The following PCCA variants were observed in gnomAD, a reference collection of about 807,000 sequenced individuals.
PCCA encodes propionyl-CoA carboxylase subunit alpha.
Under a neutral mutation model 101.3 loss-of-function variants are expected in PCCA, and 74 were observed. The observed-to-expected ratio is 0.73, with a 90% CI of 0.61 to 0.89. PCCA has a LOEUF of 0.89. Ranked by LOEUF, PCCA falls within the 40% of genes least tolerant of loss-of-function variation. The pLI, the probability that PCCA is intolerant of heterozygous loss-of-function variation, is 0.00. For synonymous variants in PCCA, 294 were observed against 313.6 expected (o/e 0.94, Z 0.66); for missense variants, 891 against 907.0 (o/e 0.98, Z 0.23).
rs187815810 is a variant in PCCA, at chr13:100,396,267, C to A, written c.1746+27693C>A. ...TAAATACCAATCCTGAACCTGCTGG[C>A]TGTGGAATCCAGCAGAAGTTAGTTA... On this transcript the variant is annotated intron_variant, in intron 19 of 23. Transcript: ENST00000376285. Among the ~76,000 whole-genome samples the A allele has an allele frequency of 1.8e-3, 273 of 152,262 alleles. 1 individual carries two copies. Among genetic ancestry groups the A allele is most frequent in the African/African-American group, 6.2e-3 (258 of 41,556 alleles).
chr13:100,514,424 A>G (rs2086687833), intron 21 of PCCA, among the ~76,000 whole-genome samples: 1 of 152,198 alleles, frequency 6.6e-6, no homozygotes, highest in African/African-American at 2.4e-5. Flanking sequence ...TTTGAGTTAC[A>G]GCAGGTTTTT....
chr13:100,378,018 G>T (rs1012616259), intron 19 of PCCA, among the ~76,000 whole-genome samples: 6 of 152,040 alleles, frequency 3.9e-5, no homozygotes, highest in African/African-American at 1.4e-4. Context: ...CTTACCAGTA[G>T]GTTTTATACT....
chr13:100,098,580 G>C (rs556512883), intron 1 of PCCA, among the ~76,000 whole-genome samples: 1 of 152,176 alleles, frequency 6.6e-6, no homozygotes, highest in East Asian at 1.9e-4. Context: ...GAGGGTGCAG[G>C]TGTGAGCCGT....
chr13:100,251,686 G>A (rs1437856224), intron 8 of PCCA, among the ~76,000 whole-genome samples: 1 of 152,112 alleles, frequency 6.6e-6, no homozygotes, highest in Non-Finnish European at 1.5e-5. Flanking sequence ...AGAAAAAATG[G>A]CATACTTTCT....
intron 7 of PCCA, among the ~76,000 whole-genome samples, chr13:100,215,508 G>T (rs2094226187): frequency 6.6e-6 from 1 of 151,922 alleles, no homozygotes; most frequent in Non-Finnish European, 1.5e-5. Flanking sequence ...TATCTACAAG[G>T]GATTGGTTCC....
chr13:100,456,348 G>A (rs929899915), intron 21 of PCCA, among the ~76,000 whole-genome samples: 1 of 152,150 alleles, frequency 6.6e-6, no homozygotes, highest in East Asian at 1.9e-4. Flanking sequence ...GGTTAGGTGT[G>A]GACTTTTATG....
chr13:100,230,424 A>AG (rs1252470778), intron 7 of PCCA, among the ~76,000 whole-genome samples: 18 of 152,154 alleles, frequency 1.2e-4, no homozygotes, highest in Admixed American at 9.8e-4. Context: ...GTTTGCCTGT[A>AG]GTCCCAGCTA....
intron 6 of PCCA, among the ~76,000 whole-genome samples, chr13:100,184,205 C>A (rs1206120134): frequency 6.6e-6 from 1 of 152,110 alleles, no homozygotes; most frequent in Non-Finnish European, 1.5e-5. Context: ...GTTATTGCTT[C>A]CTGATAGATA....
intron 21 of PCCA, among the ~76,000 whole-genome samples, chr13:100,488,259 A>C (rs1457956434): frequency 1.3e-5 from 2 of 152,018 alleles, no homozygotes; most frequent in East Asian, 3.9e-4. Flanking sequence ...ATGCACGGCT[A>C]ATTTTGCATT....
chr13:100,515,181 G>C (rs995961564), intron 21 of PCCA, among the ~76,000 whole-genome samples: 1 of 152,184 alleles, frequency 6.6e-6, no homozygotes, highest in African/African-American at 2.4e-5. Flanking sequence ...AAAGATACAG[G>C]ATGATACTTA....
chr13:100,501,906 G>A (rs2085711204), intron 21 of PCCA, among the ~76,000 whole-genome samples: 1 of 114,960 alleles, frequency 8.7e-6, no homozygotes, highest in South Asian at 3.8e-4. Context: ...TAAATAAAAT[G>A]CACCCAAACC....
At chr13:100,335,385 G>A (rs998562083) in intron 17 of PCCA, among the ~76,000 whole-genome samples, 1 of 152,158 alleles carries the variant, frequency 6.6e-6, no homozygotes, top group Admixed American at 6.5e-5. Flanking sequence ...GCTGAAAGAT[G>A]ATTCTTAACT....
intron 6 of PCCA, among the ~76,000 whole-genome samples, chr13:100,187,495 G>A (rs919540788): frequency 3.9e-5 from 6 of 152,212 alleles, no homozygotes; most frequent in African/African-American, 9.6e-5. Context: ...GATGACCTGC[G>A]ATATCATCCA....
chr13:100,098,081 C>T (rs149011555), intron 1 of PCCA, among the ~76,000 whole-genome samples: 307 of 151,172 alleles, frequency 2.0e-3, no homozygotes, highest in South Asian at 0.015. Flanking sequence ...GTCTCAGCTA[C>T]TTAGGAGGCT....
intron 21 of PCCA, among the ~76,000 whole-genome samples, chr13:100,506,176 C>T (rs2086061349): frequency 1.3e-5 from 2 of 152,052 alleles, no homozygotes; most frequent in African/African-American, 4.8e-5. Flanking sequence ...CCACATCGCC[C>T]TGTCTCCCGA....
At chr13:100,124,460 G>A (rs896023659) in intron 4 of PCCA, among the ~76,000 whole-genome samples, 6 of 152,166 alleles carry the variant, frequency 3.9e-5, no homozygotes, top group African/African-American at 1.2e-4. Flanking sequence ...TCCCTGGTGC[G>A]CACTGTAGTC....
chr13:100,309,711 CAT>C (rs1348513649), intron 15 of PCCA, 120 bp from the exon 16 acceptor site: 3 of 640,206 alleles, frequency 4.7e-6, no homozygotes, highest in Non-Finnish European at 8.0e-6. Flanking sequence ...ACTGAACTAT[CAT>C]AAAATTTCGA....
At chr13:100,434,205 G>A (rs1245945900) in intron 20 of PCCA, among the ~76,000 whole-genome samples, 1 of 152,160 alleles carries the variant, frequency 6.6e-6, no homozygotes, top group Non-Finnish European at 1.5e-5. Context: ...AGGGGTTAGA[G>A]TCCTCTTTCT....
chr13:100,294,534 A>G (rs1016293899), intron 12 of PCCA, among the ~76,000 whole-genome samples: 4 of 151,934 alleles, frequency 2.6e-5, no homozygotes, highest in Admixed American at 6.6e-5. Context: ...CCTATCTCCC[A>G]TCCCCCCAAA....
Sources: gnomAD v4.1 joint callset for allele counts (sites outside exome capture counted in the v4.1 genomes callset) on GRCh38, gnomAD v4.1.1 for gene constraint, MANE v1.5 for transcripts, NCBI Gene and HGNC (gene_info 2026-07-23, HGNC 2026-07-21) for gene names.